The following PLEKHG4B variants were observed in gnomAD, a reference collection of about 807,000 sequenced individuals.
PLEKHG4B encodes pleckstrin homology and RhoGEF domain containing G4B, also known as pleckstrin homology domain-containing family G member 4B.
A neutral mutation model predicts 121.3 loss-of-function variants in PLEKHG4B; 111 were observed. That is an observed-to-expected ratio of 0.92 (90% CI 0.78 to 1.07). PLEKHG4B has a LOEUF of 1.07. Ranked by LOEUF, PLEKHG4B falls within the 50% of genes least tolerant of loss-of-function variation. The probability of loss-of-function intolerance (pLI) is 0.00; values close to 1 mark genes in which losing one functional copy is unlikely to be tolerated. For synonymous variants in PLEKHG4B, 738 were observed against 725.0 expected, an observed-to-expected ratio of 1.02 and a Z score of -0.29; for missense variants, 1,831 against 1,757.8, an observed-to-expected ratio of 1.04 and a Z score of -0.74.
chr5:99,099 T>C (rs2126331142), intron 1 of PLEKHG4B, among the ~76,000 whole-genome samples: 1 of 141,636 alleles, frequency 7.1e-6, no homozygotes, highest in Non-Finnish European at 1.5e-5. Flanking sequence ...GAGGTTGCAG[T>C]GAGCCGAGAT....
chr5:95,184 A>G (rs542088279), intron 1 of PLEKHG4B, among the ~76,000 whole-genome samples: 3 of 152,284 alleles, frequency 2.0e-5, no homozygotes, highest in African/African-American at 7.2e-5. Context: ...GGTGAATTTG[A>G]ATTTCTTTTA....
rs1185615010 is a variant in PLEKHG4B, at chr5:113,373, G to A, written c.168G>A (p.Gly56=). ...LFSVAERCHG[G]DGLHCLTSFL... is the part of the protein sequence containing the mutation. ...GCGTGGCCGAGAGGTGCCACGGTGG[G>A]GACGGGCTGCACTGCCTCACCAGCT... is the stretch of plus-strand genomic sequence containing the variant. The change falls in exon 2 of 20, where the codon GGG becomes GGA. Residue 56 remains glycine (G), a synonymous_variant. Coordinates refer to ENST00000637938, the MANE Select transcript of PLEKHG4B (RefSeq NM_052909.5). The surrounding 1 kb of genome is among the most constrained non-coding windows in gnomAD (Gnocchi z 5.2). 1 of 399,008 alleles carries A rather than the reference G, an allele frequency of 2.5e-6. No individual in the cohort carries two copies. Among genetic ancestry groups the A allele is most frequent in the African/African-American group, 2.1e-5 (1 of 48,620 alleles). 24.7% of individuals were successfully genotyped at this position (399,008 alleles called of 1,614,324 possible). A position where few individuals can be genotyped will look rare whatever the true frequency, so the allele number is the denominator to read the frequency against.
chr5:101,928 A>G (rs1234591810), intron 1 of PLEKHG4B, among the ~76,000 whole-genome samples: 12 of 84,010 alleles, frequency 1.4e-4, no homozygotes, highest in African/African-American at 4.3e-4. Context: ...AAGCCCTGGA[A>G]AAAGTCTATA....
chr5:182,603 A>T lies in PLEKHG4B; in HGVS notation c.*280A>T. On this transcript the variant is annotated 3_prime_UTR_variant, in exon 20 of 20. Transcript: ENST00000637938. ...CTAAAACAAGACAAAAAAAGACTAAACATGAAACAAAAGATGTCAAGACAC... is the reference window on the plus strand; with the variant it reads ...CTAAAACAAGACAAAAAAAGACTAATCATGAAACAAAAGATGTCAAGACAC... The T allele has an allele frequency of 2.3e-6, 1 of 427,780 alleles. No homozygotes were observed. The highest frequency in any genetic ancestry group is 4.2e-6 in the Non-Finnish European group (1 of 237,146). The allele number at this position is 427,780 out of a possible 1,614,324, so 26.5% of individuals were successfully genotyped here.
In PLEKHG4B at chr5:92,548, G is replaced by A. The variant is rs551505904; in HGVS notation, c.45+272G>A. 2.3e-4 allele frequency among the ~76,000 whole-genome samples: 35 copies of A among 149,766 alleles called. No homozygotes were observed. In the South Asian group the frequency reaches 7.2e-3, roughly 31 times the overall value. On this transcript the variant is annotated intron_variant, in intron 1 of 19. Transcript: ENST00000637938. Reference sequence around the variant, plus strand: ...GGCGGGCGCGGGGACTGGGGTGGGAGGGGGCGCGGGTACCCAGACGTGCTG... The same window carrying A: ...GGCGGGCGCGGGGACTGGGGTGGGAAGGGGCGCGGGTACCCAGACGTGCTG...
At chr5:168,056 C>A (rs939515235) in intron 13 of PLEKHG4B, among the ~76,000 whole-genome samples, 3 of 152,218 alleles carry the variant, frequency 2.0e-5, no homozygotes, top group Non-Finnish European at 4.4e-5. Context: ...CGAGTGGATC[C>A]TCTGGGTCCT....
intron 1 of PLEKHG4B, among the ~76,000 whole-genome samples, chr5:92,722 G>C (rs769985885): frequency 6.6e-6 from 1 of 151,982 alleles, no homozygotes. Context: ...GGTGCCTGAA[G>C]GGGAGCCAGG....
intron 2 of PLEKHG4B, among the ~76,000 whole-genome samples, chr5:127,337 G>T (rs1734647678): frequency 1.3e-5 from 1 of 75,816 alleles, no homozygotes. Context: ...CTTATTGTTG[G>T]TTTTTATTAT....
chr5:169,688 G>A, intron 14 of PLEKHG4B, 96 bp downstream of exon 14: 1 of 1,534,160 alleles, frequency 6.5e-7, no homozygotes, highest in East Asian at 2.3e-5. Flanking sequence ...CAGGCGGTTG[G>A]AATAGCTTCA....
chr5:161,616 T>C (rs1736003327), intron 11 of PLEKHG4B, among the ~76,000 whole-genome samples, 167 bp from the exon 12 acceptor site: 1 of 152,108 alleles, frequency 6.6e-6, no homozygotes, highest in Non-Finnish European at 1.5e-5. Context: ...ACTAGAGAAA[T>C]GCCTCGGTCC....
intron 1 of PLEKHG4B, among the ~76,000 whole-genome samples, chr5:94,920 C>T (rs1179482777): frequency 6.6e-6 from 1 of 152,136 alleles, no homozygotes; most frequent in East Asian, 1.9e-4. Flanking sequence ...ACCCTAGAGT[C>T]AAACTTGAAA....
At chr5:142,945 T>C (rs909997190) in intron 3 of PLEKHG4B, 102 bp from the exon 4 acceptor site, 2 of 1,109,906 alleles carry the variant, frequency 1.8e-6, no homozygotes, top group Non-Finnish European at 2.7e-6. Flanking sequence ...CCTACTTTCA[T>C]GCGTGTTTTT....
Position 143,119 on chromosome 5 carries a change from C to A in PLEKHG4B, c.1550C>A (p.Ser517Tyr). ...SLHCHNPSGP[S>Y]DVPARQPHPE... ...CATTGCCACAACCCCAGCGGGCCTT[C>A]CGATGTGCCTGCCCGGCAGCCACAC... The change falls in exon 4 of 20, where the codon TCC (serine) becomes TAC (tyrosine). Residue 517 changes from serine to tyrosine, a missense_variant. Coordinates refer to ENST00000637938, the MANE Select transcript of PLEKHG4B (RefSeq NM_052909.5). The A allele has an allele frequency of 6.2e-7, 1 of 1,612,942 alleles. No individual in the cohort carries two copies. Among genetic ancestry groups the A allele is most frequent in the Non-Finnish European group, 8.5e-7 (1 of 1,180,020 alleles).
intron 2 of PLEKHG4B, among the ~76,000 whole-genome samples, chr5:130,667 C>T (rs145437110): frequency 2.0e-5 from 3 of 152,318 alleles, no homozygotes; most frequent in East Asian, 1.9e-4. Context: ...ACAGTGAAGT[C>T]GAGTGCCCTC....
At chr5:164,618 C>T (rs1214894026) in intron 13 of PLEKHG4B, among the ~76,000 whole-genome samples, 1 of 139,068 alleles carries the variant, frequency 7.2e-6, no homozygotes, top group Non-Finnish European at 1.6e-5. Context: ...CACAGTAATG[C>T]TGTGACGGAG....
chr5:133,913 G>GACACACACACAC lies in PLEKHG4B; in HGVS notation c.244-5562_244-5561insACACACACACAC, dbSNP rs745898348. ...CCAATCGAGTGGATAAAGAAAATGT[G>GACACACACACAC]ACACACACGCACACACACACACACA... On this transcript the variant is annotated intron_variant, in intron 2 of 19. Transcript: ENST00000637938. Among the ~76,000 whole-genome samples the GACACACACACAC allele has an allele frequency of 7.2e-3, 975 of 135,596 alleles. 20 individuals are homozygous for GACACACACACAC. Among genetic ancestry groups the GACACACACACAC allele is most frequent in the African/African-American group, 0.026 (890 of 33,798 alleles). The allele number at this position is 135,596 out of a possible 152,430, so 89.0% of individuals were successfully genotyped here. A position where few individuals can be genotyped will look rare whatever the true frequency, so the allele number is the denominator to read the frequency against.
chr5:124,736 A>G (rs1201335247), intron 2 of PLEKHG4B, among the ~76,000 whole-genome samples: 1 of 152,066 alleles, frequency 6.6e-6, no homozygotes, highest in Non-Finnish European at 1.5e-5. Context: ...ATTTGTGTGG[A>G]TATATTTTTC....
Position 137,821 on chromosome 5 carries a change from C to T in PLEKHG4B, c.244-1662C>T, listed in dbSNP as rs1228645373. Among the ~76,000 whole-genome samples the T allele has an allele frequency of 1.3e-5, 2 of 152,198 alleles. No homozygotes were observed. Among genetic ancestry groups the T allele is most frequent in the East Asian group, 1.9e-4 (1 of 5,200 alleles). On this transcript the variant is annotated intron_variant, in intron 2 of 19. Coordinates refer to ENST00000637938, the MANE Select transcript of PLEKHG4B (RefSeq NM_052909.5). This position sits in a 1 kb window ranked among gnomAD's most constrained non-coding sequence, Gnocchi z 4.2. Reference sequence around the variant, plus strand: ...GGGGACGGACTCTGGGGGCCAGGCTCGGGGAGGCCCTTATGGACCGGCAGG... The same window carrying T: ...GGGGACGGACTCTGGGGGCCAGGCTTGGGGAGGCCCTTATGGACCGGCAGG...
At chr5:142,318 TAAC>T (rs887979102) in intron 3 of PLEKHG4B, among the ~76,000 whole-genome samples, 1 of 151,578 alleles carries the variant, frequency 6.6e-6, no homozygotes, top group Admixed American at 6.6e-5. Flanking sequence ...ACACACGCCA[TAAC>T]AACCACACAC....
Sources: allele counts gnomAD v4.1 joint callset (sites outside exome capture counted in the v4.1 genomes callset), GRCh38; gene constraint gnomAD v4.1.1; non-coding constraint Gnocchi (gnomAD v3.1); transcripts MANE v1.5; gene names NCBI Gene and HGNC (gene_info 2026-07-23, HGNC 2026-07-21).